Variants in DSTYK observed in about 807,000 individuals in gnomAD.
The protein encoded by DSTYK is dual serine/threonine and tyrosine protein kinase.
Under a neutral mutation model 98.7 loss-of-function variants are expected in DSTYK, and 34 were observed. The observed-to-expected ratio is 0.34, with a 90% confidence interval of 0.26 to 0.46. DSTYK has a LOEUF of 0.46. Among genes scored for constraint, DSTYK ranks in the 20% least tolerant of loss-of-function variants. DSTYK has a pLI of 1.00. For missense variants in DSTYK, 962 were observed against 1,181.7 expected (o/e 0.81, Z 2.73); for synonymous variants, 462 against 457.3 (o/e 1.01, Z -0.13).
At chr1:205,207,755 C>CAA (rs766036213) in intron 1 of DSTYK, among the ~76,000 whole-genome samples, 6 of 52,728 alleles carry the variant, frequency 1.1e-4, no homozygotes, top group East Asian at 5.4e-4. Flanking sequence ...GACTCTGTCT[C>CAA]AAAAAAAAAA....
Position 205,211,435 on chromosome 1 carries a change from T to C in DSTYK, c.101A>G (p.Tyr34Cys), listed in dbSNP as rs753456261. The C allele has an allele frequency of 3.7e-6, 6 of 1,605,362 alleles. No individual in the cohort carries two copies. In the South Asian group the frequency reaches 4.4e-5, roughly 12 times the overall value. ...TCGCAGCCGTCCCAGGTAGCGGCGGTAGCGGCCGAAGCCCCGGCACAGCTC... is the reference window on the plus strand; with the variant it reads ...TCGCAGCCGTCCCAGGTAGCGGCGGCAGCGGCCGAAGCCCCGGCACAGCTC... ...IRELCRGFGR[Y>C]RRYLGRLRQN... is the part of the protein sequence containing the mutation. Residue 34 changes from tyrosine to cysteine, a missense_variant, in exon 1 of 13, where the codon TAC (tyrosine) becomes TGC (cysteine). Transcript: ENST00000367162.
intron 1 of DSTYK, among the ~76,000 whole-genome samples, chr1:205,193,661 A>C (rs1658777335): frequency 6.6e-6 from 1 of 152,140 alleles, no homozygotes; most frequent in African/African-American, 2.4e-5. Flanking sequence ...ACTTGAGGTC[A>C]GGAGTTCGAG....
At chr1:205,154,969 AATTTATTT>A (rs34240202) in intron 10 of DSTYK, among the ~76,000 whole-genome samples, 11 of 147,882 alleles carry the variant, frequency 7.4e-5, no homozygotes, top group African/African-American at 9.9e-5. Flanking sequence ...TGGTGGAAGA[AATTTATTT>A]ATTTATTTAT....
At chr1:205,157,702 C>T (rs917830790) in intron 9 of DSTYK, among the ~76,000 whole-genome samples, 6 of 147,766 alleles carry the variant, frequency 4.1e-5, no homozygotes, top group Non-Finnish European at 8.9e-5. Flanking sequence ...GCAGAGCTTG[C>T]AGTGAGTTGA....
At chr1:205,187,305 A>T in intron 2 of DSTYK, 113 bp downstream of exon 2, 2 of 1,240,158 alleles carry the variant, frequency 1.6e-6, no homozygotes, top group Non-Finnish European at 2.2e-6. Context: ...TCCACTAGCC[A>T]CTGCTGCTCA....
At chr1:205,171,901 C>T (rs540561621) in intron 2 of DSTYK, among the ~76,000 whole-genome samples, 3 of 152,152 alleles carry the variant, frequency 2.0e-5, no homozygotes, top group South Asian at 2.1e-4. Context: ...TACACAATTT[C>T]GTTTCTTTCA....
chr1:205,185,854 C>A (rs1161475393), intron 2 of DSTYK, among the ~76,000 whole-genome samples: 1 of 151,938 alleles, frequency 6.6e-6, no homozygotes, highest in African/African-American at 2.4e-5. Context: ...GAAACCCTGT[C>A]TCTACTAAAA....
chr1:205,187,126 G>A (rs1433248702), intron 2 of DSTYK, among the ~76,000 whole-genome samples: 1 of 152,144 alleles, frequency 6.6e-6, no homozygotes, highest in Admixed American at 6.5e-5. Context: ...TTCTGTAAAA[G>A]CATGCTAAGA....
chr1:205,175,528 A>C (rs1658203305), intron 2 of DSTYK, among the ~76,000 whole-genome samples: 1 of 152,194 alleles, frequency 6.6e-6, no homozygotes, highest in South Asian at 2.1e-4. Context: ...TGATTGTCAG[A>C]AGATAGGCAA....
chr1:205,190,628 A>AG (rs1448755885), intron 1 of DSTYK, among the ~76,000 whole-genome samples: 1 of 151,060 alleles, frequency 6.6e-6, no homozygotes, highest in Non-Finnish European at 1.5e-5. Context: ...AAAAAAAAAA[A>AG]AAAAAAAAAC....
chr1:205,150,182 C>T lies in DSTYK; in HGVS notation c.2467+498G>A, dbSNP rs1209868824. Among the ~76,000 whole-genome samples, 1 of 152,182 alleles carries T rather than the reference C, an allele frequency of 6.6e-6. No individual in the cohort carries two copies. The highest frequency in any genetic ancestry group is 1.5e-5 in the Non-Finnish European group (1 of 68,024). ...CAATTTCCCAAATCTGACTCAAGTT[C>T]TATTCAAAATCTCACCTCCATCACA... On this transcript the variant is annotated intron_variant, in intron 11 of 12. Coordinates refer to ENST00000367162, the MANE Select transcript of DSTYK (RefSeq NM_015375.3). This position sits in a 1 kb window ranked among gnomAD's most constrained non-coding sequence, Gnocchi z 4.1.
At chr1:205,171,178 G>A (rs1205506255) in intron 2 of DSTYK, among the ~76,000 whole-genome samples, 2 of 152,014 alleles carry the variant, frequency 1.3e-5, no homozygotes, top group Non-Finnish European at 2.9e-5. Flanking sequence ...TAAGCTCGGC[G>A]CAGTGGCTCA....
Position 205,187,523 on chromosome 1 carries a change from G to A in DSTYK, c.549C>T (p.Asn183=). ...LVHTLVAHQG[N]WETIPEEDLE... ...GATCCTCCTCAGGGATGGTCTCCCA[G>A]TTGCCCTGATGAGCAACCAGCGTGT... The change falls in exon 2 of 13, where the codon AAC becomes AAT. Residue 183 remains asparagine (N), a synonymous_variant. Transcript: ENST00000367162. The A allele has an allele frequency of 6.2e-7, 1 of 1,614,192 alleles. No individual in the cohort carries two copies. Among genetic ancestry groups the A allele is most frequent in the South Asian group, 1.1e-5 (1 of 91,080 alleles).
chr1:205,158,459 A>T (rs1203715298), intron 9 of DSTYK, among the ~76,000 whole-genome samples: 1 of 152,190 alleles, frequency 6.6e-6, no homozygotes, highest in African/African-American at 2.4e-5. Flanking sequence ...TGGTTTAGAT[A>T]AGGGAAACTC....
At chr1:205,184,501 G>A (rs1658510666) in intron 2 of DSTYK, among the ~76,000 whole-genome samples, 1 of 152,012 alleles carries the variant, frequency 6.6e-6, no homozygotes, top group African/African-American at 2.4e-5. Context: ...GAACCCGGGA[G>A]GCAGAGGCTG....
At chr1:205,157,501 A>G in intron 9 of DSTYK, 115 bp from the exon 10 acceptor site, 1 of 782,392 alleles carries the variant, frequency 1.3e-6, no homozygotes, top group South Asian at 1.7e-5. Flanking sequence ...AGAGCCGGGC[A>G]CAGTGGCTCA....
intron 12 of DSTYK, among the ~76,000 whole-genome samples, 171 bp from the exon 13 acceptor site, chr1:205,147,916 A>G (rs1657289190): frequency 2.2e-5 from 1 of 46,400 alleles, no homozygotes; most frequent in Non-Finnish European, 1.0e-4. Context: ...AAGAGCAATT[A>G]AAAAAAAAAA....
intron 1 of DSTYK, among the ~76,000 whole-genome samples, chr1:205,207,598 A>G (rs1258672190): frequency 6.7e-6 from 1 of 150,270 alleles, no homozygotes; most frequent in Non-Finnish European, 1.5e-5. Flanking sequence ...TAAAAATACA[A>G]AAACAAAATT....
intron 1 of DSTYK, among the ~76,000 whole-genome samples, chr1:205,204,747 T>G (rs1659151316): frequency 6.6e-6 from 1 of 152,174 alleles, no homozygotes; most frequent in Admixed American, 6.6e-5. Flanking sequence ...TCACCCCTTA[T>G]TTGCTCATTT....
Sources: gnomAD v4.1 joint callset for allele counts (sites outside exome capture counted in the v4.1 genomes callset) on GRCh38, gnomAD v4.1.1 for gene constraint, Gnocchi (gnomAD v3.1) non-coding constraint, MANE v1.5 for transcripts, NCBI Gene and HGNC (gene_info 2026-07-23, HGNC 2026-07-21) for gene names.